Variants in PYROXD1 observed in about 807,000 individuals in gnomAD.
PYROXD1 encodes the protein pyridine nucleotide-disulphide oxidoreductase domain 1.
A neutral mutation model predicts 62.0 loss-of-function variants in PYROXD1; 42 were observed. The observed-to-expected ratio is 0.68, with a 90% CI of 0.53 to 0.88. The LOEUF is 0.88. Among genes scored for constraint, PYROXD1 ranks in the 40% least tolerant of loss-of-function variants. The pLI, the probability that PYROXD1 is intolerant of heterozygous loss-of-function variation, is 0.00. For missense variants in PYROXD1, 493 were observed against 604.8 expected, an observed-to-expected ratio of 0.82 and a Z score of 1.94; for synonymous variants, 170 against 206.4, an observed-to-expected ratio of 0.82 and a Z score of 1.51.
At chr12:21,455,475 T>C (rs1241987782) in intron 6 of PYROXD1, among the ~76,000 whole-genome samples, 183 bp downstream of exon 6, 1 of 149,768 alleles carries the variant, frequency 6.7e-6, no homozygotes, top group Non-Finnish European at 1.5e-5. Flanking sequence ...TATATATATA[T>C]ATAATTAAAA....
At chr12:21,443,862 G>A (rs1942340439) in intron 2 of PYROXD1, among the ~76,000 whole-genome samples, 1 of 152,114 alleles carries the variant, frequency 6.6e-6, no homozygotes, top group Non-Finnish European at 1.5e-5. Context: ...TGATAGCTTA[G>A]TACTTAGGTA....
At chr12:21,467,860 A>C (rs1158718496) in intron 11 of PYROXD1, among the ~76,000 whole-genome samples, 1 of 151,984 alleles carries the variant, frequency 6.6e-6, no homozygotes, top group Non-Finnish European at 1.5e-5. Flanking sequence ...ATTTCTCTCT[A>C]GATCTGTTAC....
Position 21,466,767 on chromosome 12 carries a change from T to C in PYROXD1, c.1117-714T>C, listed in dbSNP as rs190449860. ...GTTTTCAAAGGGAATGCTTCCAGTT[T>C]TTGTTCATTCAGTATGATATTGGCT... On this transcript the variant is annotated intron_variant, in intron 10 of 11. Coordinates refer to ENST00000240651, the MANE Select transcript of PYROXD1 (RefSeq NM_024854.5). 5.6e-3 allele frequency among the ~76,000 whole-genome samples: 853 copies of C among 152,282 alleles called. 6 individuals carry two copies. Among genetic ancestry groups the C allele is most frequent in the African/African-American group, 0.016 (655 of 41,554 alleles).
intron 9 of PYROXD1, among the ~76,000 whole-genome samples, chr12:21,462,401 A>G (rs1303900610): frequency 2.6e-5 from 4 of 152,182 alleles, no homozygotes; most frequent in Admixed American, 6.5e-5. Flanking sequence ...TGACTTCTCA[A>G]AAATGATTCT....
chr12:21,440,564 A>T, intron 2 of PYROXD1, 116 bp downstream of exon 2: 1 of 604,294 alleles, frequency 1.7e-6, no homozygotes, highest in Non-Finnish European at 2.9e-6. Context: ...GTACAGTTAT[A>T]TGCTGTACAA....
intron 10 of PYROXD1, among the ~76,000 whole-genome samples, chr12:21,465,290 T>C (rs1454075772): frequency 6.6e-6 from 1 of 152,156 alleles, no homozygotes; most frequent in Non-Finnish European, 1.5e-5. Context: ...CCACCAACAG[T>C]GTAAAAGTGT....
chr12:21,460,023 A>T (rs1942665429), intron 7 of PYROXD1, among the ~76,000 whole-genome samples: 1 of 152,148 alleles, frequency 6.6e-6, no homozygotes, highest in Non-Finnish European at 1.5e-5. Flanking sequence ...TCATTTTGTT[A>T]GATATTTTGA....
chr12:21,445,550 T>C, intron 3 of PYROXD1, 84 bp downstream of exon 3: 1 of 1,304,380 alleles, frequency 7.7e-7, no homozygotes, highest in East Asian at 2.6e-5. Flanking sequence ...CCAGCTCTAC[T>C]ACCACCACCA....
At position 21,455,274 on chromosome 12, in the gene PYROXD1, A is replaced by C; in HGVS notation, c.631A>C (p.Thr211Pro). 2 of 1,561,850 alleles carry C rather than the reference A, an allele frequency of 1.3e-6. No homozygotes were observed. The highest frequency in any genetic ancestry group is 1.7e-6 in the Non-Finnish European group (2 of 1,154,940). Residue 211 changes from threonine (T) to proline (P), a missense_variant, in exon 6 of 12, where the codon ACC becomes CCC. Thr to Pro is a conservative substitution (Grantham distance 38, BLOSUM62 -1). Transcript: ENST00000240651. Reference protein sequence around the residue: ...KSEAKIAHKRTRYTTEGRKKE... With the variant: ...KSEAKIAHKRPRYTTEGRKKE... Reference sequence around the variant, plus strand: ...AGAGGCTAAAATTGCACATAAAAGAACCAGATATACAACTGAAGGTAAGTG... The same window carrying C: ...AGAGGCTAAAATTGCACATAAAAGACCCAGATATACAACTGAAGGTAAGTG...
At position 21,445,359 on chromosome 12, in the gene PYROXD1, T is replaced by A; in HGVS notation, c.178T>A (p.Leu60Met). 1 of 1,596,236 alleles carries A rather than the reference T, an allele frequency of 6.3e-7. No homozygotes were observed. Among genetic ancestry groups the A allele is most frequent in the South Asian group, 1.2e-5 (1 of 86,636 alleles). ...VTNFKQISKI[L>M]EEFDVEEQSS... ...TGGATCTATACAGATTTCTAAAATA[T>A]TGGAAGAATTCGATGTTGAAGAACA... The change falls in exon 3 of 12, where the codon TTG becomes ATG. Residue 60 changes from leucine to methionine, a missense_variant. Transcript: ENST00000240651.
intron 6 of PYROXD1, among the ~76,000 whole-genome samples, chr12:21,455,639 A>G (rs1032498245): frequency 6.6e-6 from 1 of 151,658 alleles, no homozygotes; most frequent in Non-Finnish European, 1.5e-5. Flanking sequence ...ATAGCTTTGA[A>G]AAACTTTTAG....
intron 7 of PYROXD1, among the ~76,000 whole-genome samples, chr12:21,458,547 A>G (rs954364218): frequency 6.6e-6 from 1 of 152,214 alleles, no homozygotes; most frequent in South Asian, 2.1e-4. Flanking sequence ...TGCCTTCCTC[A>G]ATAACCCTAA....
intron 10 of PYROXD1, among the ~76,000 whole-genome samples, chr12:21,467,040 C>G (rs1020406416): frequency 1.3e-5 from 2 of 152,090 alleles, no homozygotes; most frequent in Non-Finnish European, 2.9e-5. Context: ...CACCAAGAGT[C>G]TGTCTAACCA....
chr12:21,437,892 C>T (rs1380337666), intron 1 of PYROXD1, 78 bp downstream of exon 1: 2 of 1,273,742 alleles, frequency 1.6e-6, no homozygotes, highest in South Asian at 1.4e-5. Flanking sequence ...CTCCCACCCC[C>T]TCCCTTTTTC....
chr12:21,455,482 A>T (rs1373497654), intron 6 of PYROXD1, among the ~76,000 whole-genome samples, 190 bp downstream of exon 6: 1 of 148,872 alleles, frequency 6.7e-6, no homozygotes, highest in African/African-American at 2.5e-5. Context: ...ATATATAATT[A>T]AAACAAGAAA....
intron 7 of PYROXD1, among the ~76,000 whole-genome samples, chr12:21,458,012 A>C (rs995875363): frequency 4.6e-5 from 7 of 152,148 alleles, no homozygotes; most frequent in Non-Finnish European, 5.9e-5. Context: ...CATTGGCTTC[A>C]ACTTCAAGTC....
Position 21,470,283 on chromosome 12 carries a change from C to T in PYROXD1, c.*1529C>T. The T allele has an allele frequency of 6.2e-7, 1 of 1,602,606 alleles. No homozygotes were observed. The highest frequency in any genetic ancestry group is 8.5e-7 in the Non-Finnish European group (1 of 1,176,580). ...TTTGCAGCCTTCTTCTGGAAGTTGC[C>T]TGAATTTTTTTCCTCCATCTTTTTA... is the stretch of plus-strand genomic sequence containing the variant. On this transcript the variant is annotated 3_prime_UTR_variant, in exon 12 of 12. Transcript: ENST00000240651.
rs545387804 is a variant in PYROXD1 at position 21,437,672 on chromosome 12, G to A, written c.-59G>A. On this transcript the variant is annotated 5_prime_UTR_variant, in exon 1 of 12. Transcript: ENST00000240651. ...CGCCTCGCGGCTGCTTCCTCTCCTG[G>A]AGTCCAGAGTCCCGTTGCTCCGCCG... The A allele has an allele frequency of 1.3e-6, 2 of 1,532,090 alleles. No homozygotes were observed. The highest frequency in any genetic ancestry group is 1.4e-5 in the African/African-American group (1 of 73,614). 94.9% of individuals were successfully genotyped at this position (1,532,090 alleles called of 1,614,324 possible). A position where few individuals can be genotyped will look rare whatever the true frequency, so the allele number is the denominator to read the frequency against.
chr12:21,467,532 A>G lies in PYROXD1; in HGVS notation c.1168A>G (p.Met390Val), dbSNP rs769474967. 3.2e-5 allele frequency: 52 copies of G among 1,609,984 alleles called. No homozygotes were observed. The East Asian group carries it at 5.6e-4, about 17-fold the overall frequency. ...GATGGGATGGTATGCAGCAAAGTGC[A>G]TGGCTGCAGCGAGTTCAGGAGACTC... is the stretch of plus-strand genomic sequence containing the variant. ...RQMGWYAAKC[M>V]AAASSGDSID... The change falls in exon 11 of 12, where the codon ATG (methionine) becomes GTG (valine). Residue 390 changes from methionine to valine, a missense_variant. Met to Val is a conservative substitution (Grantham distance 21). Coordinates refer to ENST00000240651, the MANE Select transcript of PYROXD1 (RefSeq NM_024854.5).
Sources: allele counts gnomAD v4.1 joint callset (sites outside exome capture counted in the v4.1 genomes callset), GRCh38; gene constraint gnomAD v4.1.1; transcripts MANE v1.5; gene names NCBI Gene and HGNC (gene_info 2026-07-23, HGNC 2026-07-21).